PTER: variants seen among roughly 807,000 people sequenced by gnomAD.
PTER encodes the protein phosphotriesterase related.
PTER carries 38 observed loss-of-function variants against 29.6 expected under a neutral mutation model. That is an observed-to-expected ratio of 1.28 (90% CI 0.99 to 1.68). PTER has a LOEUF of 1.68. Among genes scored for constraint, PTER ranks in the 40% most tolerant of loss-of-function variants. PTER has a pLI of 0.00. For missense variants in PTER, 482 were observed against 427.8 expected, an observed-to-expected ratio of 1.13 and a Z score of -1.12; for synonymous variants, 172 against 154.5, an observed-to-expected ratio of 1.11 and a Z score of -0.84.
intron 1 of PTER, among the ~76,000 whole-genome samples, chr10:16,438,979 T>A (rs1833756811): frequency 6.6e-6 from 1 of 151,528 alleles, no homozygotes; most frequent in Non-Finnish European, 1.5e-5. Flanking sequence ...TAATAATCTA[T>A]GGATTTATGA....
chr10:16,441,038 C>T (rs1283989753), intron 1 of PTER, among the ~76,000 whole-genome samples: 2 of 152,162 alleles, frequency 1.3e-5, no homozygotes, highest in East Asian at 3.9e-4. Flanking sequence ...TCCCATCATG[C>T]TCCAGTCTGC....
intron 1 of PTER, among the ~76,000 whole-genome samples, chr10:16,455,027 A>C (rs1834345805): frequency 6.6e-6 from 1 of 151,544 alleles, no homozygotes; most frequent in Non-Finnish European, 1.5e-5. Context: ...CCAGGAGTTG[A>C]AGACCAGCCT....
At chr10:16,506,001 A>G (rs1280988192) in intron 4 of PTER, among the ~76,000 whole-genome samples, 1 of 148,906 alleles carries the variant, frequency 6.7e-6, no homozygotes, top group Non-Finnish European at 1.5e-5. Flanking sequence ...CCGTTTCTCA[A>G]GGAAAGGTCG....
chr10:16,485,278 A>C (rs1835652154), intron 2 of PTER, among the ~76,000 whole-genome samples: 1 of 152,178 alleles, frequency 6.6e-6, no homozygotes, highest in South Asian at 2.1e-4. Flanking sequence ...CACATTTGTG[A>C]ATATGTTTCA....
intron 1 of PTER, among the ~76,000 whole-genome samples, chr10:16,450,360 T>C (rs1476307343): frequency 6.6e-6 from 1 of 152,186 alleles, no homozygotes; most frequent in African/African-American, 2.4e-5. Flanking sequence ...GAAAGGCTGA[T>C]GGCAGTATGG....
chr10:16,492,895 G>A (rs372646679), intron 3 of PTER, among the ~76,000 whole-genome samples: 7 of 152,204 alleles, frequency 4.6e-5, no homozygotes, highest in African/African-American at 9.7e-5. Flanking sequence ...GGAACTGGCC[G>A]ACAGCACATT....
intron 4 of PTER, among the ~76,000 whole-genome samples, chr10:16,509,931 G>T (rs532721917): frequency 4.0e-5 from 6 of 151,494 alleles, no homozygotes; most frequent in African/African-American, 4.9e-5. Context: ...AGTTTTTTTT[G>T]TGTGTGTAGT....
At chr10:16,457,415 G>T (rs552653331) in intron 1 of PTER, among the ~76,000 whole-genome samples, 2 of 152,070 alleles carry the variant, frequency 1.3e-5, no homozygotes, top group South Asian at 4.2e-4. Flanking sequence ...GGGTTTCACC[G>T]TGTTAGCCAC....
chr10:16,490,688 T>G (rs1161749276), intron 3 of PTER, among the ~76,000 whole-genome samples: 1 of 150,756 alleles, frequency 6.6e-6, no homozygotes, highest in Non-Finnish European at 1.5e-5. Flanking sequence ...GGAAAGGTTT[T>G]CTGTGAACAT....
In PTER at chr10:16,484,771, G is replaced by A; in HGVS notation, c.387G>A (p.Val129=). The A allele has an allele frequency of 3.1e-6, 5 of 1,613,224 alleles. No individual in the cohort carries two copies. The highest frequency in any genetic ancestry group is 1.1e-5 in the South Asian group (1 of 90,866). The change falls in exon 2 of 5, where the codon GTG becomes GTA. Residue 129 remains valine, a synonymous_variant. Transcript: ENST00000535784. ...VHIISGAGFY[V]DATHSSETRA... ...TCATATCTGGAGCCGGGTTTTATGT[G>A]GATGCAACTCACTCCTCAGAGACCA...
At chr10:16,502,147 A>G (rs45590737) in intron 3 of PTER, among the ~76,000 whole-genome samples, 7,487 of 152,308 alleles carry the variant, frequency 0.049, 273 homozygotes, top group East Asian at 0.15. Context: ...CATTAGGAGC[A>G]GAAATAAGAG....
intron 1 of PTER, among the ~76,000 whole-genome samples, chr10:16,478,389 A>G (rs1325860316): frequency 1.4e-5 from 2 of 147,714 alleles, no homozygotes; most frequent in Admixed American, 6.8e-5. Flanking sequence ...GCTGGAGTGC[A>G]ATGGCACGAT....
chr10:16,480,193 A>ATTT (rs60746148), intron 1 of PTER, among the ~76,000 whole-genome samples: 1,737 of 137,018 alleles, frequency 0.013, 40 homozygotes, highest in African/African-American at 0.029. Flanking sequence ...TGACTATAGC[A>ATTT]TTTTTTTTTT....
intron 1 of PTER, among the ~76,000 whole-genome samples, chr10:16,445,961 G>A (rs1833998685): frequency 1.3e-5 from 2 of 152,152 alleles, no homozygotes; most frequent in African/African-American, 2.4e-5. Context: ...GCCTGGCATA[G>A]ATGATTCCCT....
At chr10:16,467,806 A>C (rs982748677) in intron 1 of PTER, among the ~76,000 whole-genome samples, 1 of 152,172 alleles carries the variant, frequency 6.6e-6, no homozygotes. Context: ...TGTCTCAATA[A>C]TAATAGTAAA....
At chr10:16,458,183 G>A (rs2133386290) in intron 1 of PTER, among the ~76,000 whole-genome samples, 1 of 151,410 alleles carries the variant, frequency 6.6e-6, no homozygotes, top group South Asian at 2.1e-4. Context: ...TGCAAAATGG[G>A]TTGAACTTTT....
rs767925513 is a variant in PTER at position 16,484,800 on chromosome 10, C to T, written c.416C>T (p.Ala139Val). The change falls in exon 2 of 5, where the codon GCC becomes GTC. Residue 139 changes from alanine to valine, a missense_variant. By Grantham distance (64) the Ala-to-Val change is moderately conservative. Transcript: ENST00000535784. ...GCAACTCACTCCTCAGAGACCAGGGCCATGTCAGTGGAGCAGGTAAAAAGC... is the reference window on the plus strand; with the variant it reads ...GCAACTCACTCCTCAGAGACCAGGGTCATGTCAGTGGAGCAGGTAAAAAGC... ...VDATHSSETRAMSVEQLTDVL... is the reference protein window; with the variant it reads ...VDATHSSETRVMSVEQLTDVL... 2 of 1,603,792 alleles carry T rather than the reference C, an allele frequency of 1.2e-6. No individual in the cohort carries two copies.
chr10:16,460,996 C>T (rs560306685), intron 1 of PTER, among the ~76,000 whole-genome samples: 2 of 152,288 alleles, frequency 1.3e-5, no homozygotes, highest in South Asian at 4.1e-4. Flanking sequence ...GGATTATAGG[C>T]ATGAGCCACC....
At chr10:16,446,509 TAGAG>T (rs1284072404) in intron 1 of PTER, among the ~76,000 whole-genome samples, 12 of 152,152 alleles carry the variant, frequency 7.9e-5, no homozygotes, top group Non-Finnish European at 1.3e-4. Context: ...TGTAGTTAGA[TAGAG>T]AGATCAAACT....
Sources: gnomAD v4.1 joint callset for allele counts (sites outside exome capture counted in the v4.1 genomes callset) on GRCh38, gnomAD v4.1.1 for gene constraint, MANE v1.5 for transcripts, NCBI Gene and HGNC (gene_info 2026-07-23, HGNC 2026-07-21) for gene names.